The following NAT10 variants were observed in gnomAD, a reference collection of about 807,000 sequenced individuals.
NAT10 encodes N-acetyltransferase 10.
NAT10 carries 109 observed loss-of-function variants against 132.2 expected under a neutral mutation model. The ratio of observed to expected loss-of-function variants is 0.82; its 90% CI spans 0.71 to 0.97. NAT10 has a LOEUF of 0.97. NAT10 is among the 50% of genes least tolerant of loss of function. The pLI is 0.00. For synonymous variants in NAT10, 479 were observed against 478.0 expected, an observed-to-expected ratio of 1.00 and a Z score of -0.03; for missense variants, 1,184 against 1,263.4, an observed-to-expected ratio of 0.94 and a Z score of 0.95.
chr11:34,131,359 T>C (rs755383389), intron 13 of NAT10, 22 bp from the exon 14 acceptor site: 1 of 1,587,756 alleles, frequency 6.3e-7, no homozygotes, highest in Non-Finnish European at 8.6e-7. Flanking sequence ...TCTTCTTTTG[T>C]GTGTGTGATT....
At chr11:34,122,641 G>A in intron 9 of NAT10, 49 bp downstream of exon 9, 1 of 1,604,166 alleles carries the variant, frequency 6.2e-7, no homozygotes, top group Non-Finnish European at 8.5e-7. Context: ...CTCTGTGGGG[G>A]TAGTGTGCAG....
At chr11:34,117,706 T>C (rs1851806264) in intron 6 of NAT10, among the ~76,000 whole-genome samples, 1 of 152,192 alleles carries the variant, frequency 6.6e-6, no homozygotes, top group Admixed American at 6.5e-5. Flanking sequence ...GTTTGTATTG[T>C]ATTTCTTTGG....
At chr11:34,114,566 T>C (rs971380151) in intron 5 of NAT10, among the ~76,000 whole-genome samples, 1 of 152,174 alleles carries the variant, frequency 6.6e-6, no homozygotes, top group African/African-American at 2.4e-5. Context: ...CTACAGCCCT[T>C]TTGGCCTCCT....
At chr11:34,133,274 C>G (rs1852139116) in intron 16 of NAT10, 132 bp downstream of exon 16, 1 of 719,592 alleles carries the variant, frequency 1.4e-6, no homozygotes. Context: ...GGGGCTGGGT[C>G]TGCTGAGACA....
At chr11:34,145,194 T>C (rs950688021) in intron 28 of NAT10, among the ~76,000 whole-genome samples, 3 of 152,272 alleles carry the variant, frequency 2.0e-5, no homozygotes, top group Admixed American at 1.3e-4. Context: ...AGCTTGGCCT[T>C]TCCTGCCATT....
intron 24 of NAT10, 147 bp downstream of exon 24, chr11:34,140,719 G>T: frequency 1.0e-6 from 1 of 983,644 alleles, no homozygotes; most frequent in South Asian, 1.7e-5. Context: ...TCATTCTACA[G>T]GTCAGGAAAC....
chr11:34,108,607 C>T, intron 2 of NAT10, 135 bp from the exon 3 acceptor site: 1 of 828,660 alleles, frequency 1.2e-6, no homozygotes, highest in Non-Finnish European at 1.9e-6. Context: ...CTGGTCATTG[C>T]TCGCCTTAGA....
At chr11:34,146,048 C>T (rs1418676768) in intron 28 of NAT10, 36 bp from the exon 29 acceptor site, 8 of 1,414,744 alleles carry the variant, frequency 5.7e-6, no homozygotes, top group Admixed American at 2.0e-5. Context: ...CAGATCTGTA[C>T]ATATTTCATT....
intron 24 of NAT10, 78 bp from the exon 25 acceptor site, chr11:34,141,011 G>C: frequency 1.3e-6 from 2 of 1,595,786 alleles, no homozygotes; most frequent in Admixed American, 3.4e-5. Flanking sequence ...GGTCAAGAGA[G>C]TACTCTGGTT....
At chr11:34,141,452 G>A (rs577916146) in intron 25 of NAT10, among the ~76,000 whole-genome samples, 2,099 of 144,804 alleles carry the variant, frequency 0.014, 21 homozygotes, top group Admixed American at 0.022. Context: ...ACACACACAC[G>A]TGCGCGCGCA....
chr11:34,139,263 G>A lies in NAT10; in HGVS notation c.2284G>A (p.Gly762Ser), dbSNP rs760321986. The A allele has an allele frequency of 1.2e-6, 2 of 1,614,042 alleles. No individual in the cohort carries two copies. The highest frequency in any genetic ancestry group is 1.7e-6 in the Non-Finnish European group (2 of 1,180,016). ...LTDEDEADQG[G>S]WLAAFWKDFR... Reference sequence around the variant, plus strand: ...TGATGAGGATGAGGCTGACCAGGGAGGCTGGCTTGCAGCCTTCTGGAAAGG... The same window carrying A: ...TGATGAGGATGAGGCTGACCAGGGAAGCTGGCTTGCAGCCTTCTGGAAAGG... Residue 762 changes from glycine (G) to serine (S), a missense_variant, in exon 22 of 29, where the codon GGC (glycine) becomes AGC (serine). By Grantham distance (56) the Gly-to-Ser change is moderately conservative. Transcript: ENST00000257829.
Position 34,142,308 on chromosome 11 carries a change from A to G in NAT10, c.2845A>G (p.Lys949Glu). The G allele has an allele frequency of 6.2e-7, 1 of 1,614,192 alleles. No homozygotes were observed. Among genetic ancestry groups the G allele is most frequent in the Non-Finnish European group, 8.5e-7 (1 of 1,180,034 alleles). ...AGCAAAGGAATTTCAGGAGAAACAC[A>G]AGAAGGAAGTAGGGAAGCTGAAGAG... Reference protein sequence around the residue: ...EAAKEFQEKHKKEVGKLKSMD... With the variant: ...EAAKEFQEKHEKEVGKLKSMD... Residue 949 changes from lysine to glutamate, a missense_variant, in exon 27 of 29, where the codon AAG becomes GAG. Coordinates refer to ENST00000257829, the MANE Select transcript of NAT10 (RefSeq NM_024662.3).
At chr11:34,124,162 C>G in intron 10 of NAT10, 140 bp from the exon 11 acceptor site, 1 of 504,996 alleles carries the variant, frequency 2.0e-6, no homozygotes, top group Non-Finnish European at 3.3e-6. Flanking sequence ...AACTCCATCT[C>G]AAAAAAAAAA....
chr11:34,123,253 G>A (rs1189472312), intron 9 of NAT10, among the ~76,000 whole-genome samples: 2 of 152,254 alleles, frequency 1.3e-5, no homozygotes, highest in Non-Finnish European at 2.9e-5. Context: ...TGCTGATAGA[G>A]CTGGGGCTTG....
At chr11:34,124,990 T>C (rs969507570) in intron 11 of NAT10, among the ~76,000 whole-genome samples, 5 of 152,220 alleles carry the variant, frequency 3.3e-5, no homozygotes, top group African/African-American at 9.6e-5. Context: ...AATGGGCTCT[T>C]ACTGGAGGAG....
intron 8 of NAT10, among the ~76,000 whole-genome samples, chr11:34,122,203 A>G (rs890824129): frequency 1.3e-5 from 2 of 152,188 alleles, no homozygotes; most frequent in African/African-American, 4.8e-5. Context: ...TCTGATGTGC[A>G]GGGAAGTGGT....
chr11:34,120,222 G>A (rs114213666), intron 8 of NAT10, among the ~76,000 whole-genome samples: 956 of 80,932 alleles, frequency 0.012, 14 homozygotes, highest in African/African-American at 0.04. Context: ...GGCCTTTTTT[G>A]TATTGGTTCT....
At chr11:34,112,936 A>T (rs981062107) in intron 4 of NAT10, among the ~76,000 whole-genome samples, 1 of 152,262 alleles carries the variant, frequency 6.6e-6, no homozygotes, top group South Asian at 2.1e-4. Flanking sequence ...TGTGTTTATC[A>T]TATACACTTA....
chr11:34,115,200 A>G (rs1294135029), intron 5 of NAT10, among the ~76,000 whole-genome samples: 1 of 152,186 alleles, frequency 6.6e-6, no homozygotes, highest in Non-Finnish European at 1.5e-5. Flanking sequence ...ACAGAGAGTT[A>G]GTTTTCTTTG....
Sources: allele counts gnomAD v4.1 joint callset (sites outside exome capture counted in the v4.1 genomes callset), GRCh38; gene constraint gnomAD v4.1.1; transcripts MANE v1.5; gene names NCBI Gene and HGNC (gene_info 2026-07-23, HGNC 2026-07-21).